CHMP7: variants seen among roughly 807,000 people sequenced by gnomAD.
The protein encoded by CHMP7 is CHMP family, member 7.
CHMP7 carries 15 observed loss-of-function variants against 53.7 expected under a neutral mutation model. The ratio of observed to expected loss-of-function variants is 0.28; its 90% CI spans 0.19 to 0.43. The LOEUF (loss-of-function observed/expected upper bound fraction) is 0.43, where lower values mean the gene tolerates loss of function less well. Among genes scored for constraint, CHMP7 ranks in the 20% least tolerant of loss-of-function variants. The probability of loss-of-function intolerance (pLI) is 1.00; values close to 1 mark genes in which losing one functional copy is unlikely to be tolerated. For missense variants in CHMP7, 527 were observed against 569.4 expected, an observed-to-expected ratio of 0.93 and a Z score of 0.76; for synonymous variants, 261 against 228.0, an observed-to-expected ratio of 1.14 and a Z score of -1.30.
chr8:23,254,132 C>G (rs145485162), intron 3 of CHMP7, among the ~76,000 whole-genome samples: 1 of 152,122 alleles, frequency 6.6e-6, no homozygotes, highest in East Asian at 1.9e-4. Flanking sequence ...TCCCGAGATA[C>G]CCGTTTCACC....
intron 2 of CHMP7, chr8:23,248,102 T>C (rs1801782135): frequency 2.2e-6 from 1 of 456,072 alleles, no homozygotes; most frequent in Non-Finnish European, 4.4e-6. Context: ...GTTGAGCCAC[T>C]GCACCTGGCC....
chr8:23,260,225 A>G lies in CHMP7; in HGVS notation c.1202A>G (p.Asn401Ser), dbSNP rs182964552. 1 of 1,613,964 alleles carries G rather than the reference A, an allele frequency of 6.2e-7. No individual in the cohort carries two copies. Among genetic ancestry groups the G allele is most frequent in the East Asian group, 2.2e-5 (1 of 44,868 alleles). Residue 401 changes from asparagine (N) to serine (S), a missense_variant, in exon 10 of 11, where the codon AAC (asparagine) becomes AGC (serine). Asn to Ser is a conservative substitution (Grantham distance 46, BLOSUM62 1). Coordinates refer to ENST00000397677, the MANE Select transcript of CHMP7 (RefSeq NM_152272.5). ...AAAGAACCTTTGGATCTGCCTGACAACCCCCGCAATAGGCATTTTACCAAC... is the reference window on the plus strand; with the variant it reads ...AAAGAACCTTTGGATCTGCCTGACAGCCCCCGCAATAGGCATTTTACCAAC... ...TTKEPLDLPD[N>S]PRNRHFTNSV... is the part of the protein sequence containing the mutation.
intron 3 of CHMP7, among the ~76,000 whole-genome samples, chr8:23,254,463 C>T (rs530478847): frequency 4.0e-4 from 61 of 152,126 alleles, no homozygotes; most frequent in African/African-American, 1.2e-3. Context: ...GGCGCGATCT[C>T]GGCTCACTGC....
Position 23,260,644 on chromosome 8 carries a change from G to A in CHMP7, c.*45G>A. The A allele has an allele frequency of 7.2e-7, 1 of 1,391,940 alleles. No individual in the cohort carries two copies. The highest frequency in any genetic ancestry group is 2.3e-5 in the East Asian group (1 of 44,148). The allele number at this position is 1,391,940 out of a possible 1,614,324, so 86.2% of individuals were successfully genotyped here. A position where few individuals can be genotyped will look rare whatever the true frequency, so the allele number is the denominator to read the frequency against. ...CTCATGTAAAAGAGAGACCAGGCTT[G>A]CTGGGTGTGTACATAGTTATTTAAA... On this transcript the variant is annotated 3_prime_UTR_variant, in exon 11 of 11. Transcript: ENST00000397677.
rs1266838724 is a variant in CHMP7, at chr8:23,246,758, C to A, written c.63C>A (p.Pro21=). 6.4e-6 allele frequency: 10 copies of A among 1,556,954 alleles called. No homozygotes were observed. Among genetic ancestry groups the A allele is most frequent in the Middle Eastern group, 1.8e-4 (1 of 5,500 alleles). ...GGGGAGACCCGGCGGGCCTTCTGCC[C>A]CCCGAGTGGGAGGAGGACGAGGAGC... ...PAGGDPAGLL[P]PEWEEDEERM... Residue 21 remains proline (P), a synonymous_variant, in exon 2 of 11, where the codon CCC becomes CCA. Coordinates refer to ENST00000397677, the MANE Select transcript of CHMP7 (RefSeq NM_152272.5).
chr8:23,249,493 G>T (rs1328000037), intron 3 of CHMP7, 112 bp downstream of exon 3: 1 of 789,192 alleles, frequency 1.3e-6, no homozygotes, highest in Non-Finnish European at 2.0e-6. Flanking sequence ...CATGGCTACT[G>T]AGTTGATAAC....
intron 1 of CHMP7, among the ~76,000 whole-genome samples, chr8:23,244,853 A>T (rs148669399): frequency 6.6e-6 from 1 of 152,212 alleles, no homozygotes; most frequent in Non-Finnish European, 1.5e-5. Context: ...GAATTTGTAC[A>T]TACCGTGTTA....
intron 3 of CHMP7, among the ~76,000 whole-genome samples, chr8:23,250,081 C>T (rs938970578): frequency 2.6e-5 from 4 of 152,204 alleles, no homozygotes; most frequent in Admixed American, 6.5e-5. Context: ...CATCAGACTG[C>T]GGTCCCCTTC....
chr8:23,258,015 C>T lies in CHMP7; in HGVS notation c.792-18C>T. 2 of 1,599,110 alleles carry T rather than the reference C, an allele frequency of 1.3e-6. No individual in the cohort carries two copies. Among genetic ancestry groups the T allele is most frequent in the Non-Finnish European group, 8.6e-7 (1 of 1,167,614 alleles). ...CCATCCTGTGGCACAGTAATCTTATCTGTCCCTTTGTTTCCAGGTGTAAAG... is the reference window on the plus strand; with the variant it reads ...CCATCCTGTGGCACAGTAATCTTATTTGTCCCTTTGTTTCCAGGTGTAAAG... On this transcript the variant is annotated intron_variant, in intron 5 of 10. Coordinates refer to ENST00000397677, the MANE Select transcript of CHMP7 (RefSeq NM_152272.5).
rs1354733964 is a variant in CHMP7, at chr8:23,261,791, C to G, written c.*1192C>G. The G allele has an allele frequency of 1.3e-5, 2 of 152,714 alleles. No homozygotes were observed. The highest frequency in any genetic ancestry group is 3.9e-4 in the East Asian group (2 of 5,186). The allele number at this position is 152,714 out of a possible 1,614,324, so 9.5% of individuals were successfully genotyped here. On this transcript the variant is annotated 3_prime_UTR_variant, in exon 11 of 11. Transcript: ENST00000397677. Reference sequence around the variant, plus strand: ...CTCTGCTGCCCAGCCACCAGGATTTCTGCCTGGAGCCCTTTGCCCTGTCCC... The same window carrying G: ...CTCTGCTGCCCAGCCACCAGGATTTGTGCCTGGAGCCCTTTGCCCTGTCCC...
In CHMP7 at chr8:23,260,859, G is replaced by T; in HGVS notation, c.*260G>T. On this transcript the variant is annotated 3_prime_UTR_variant, in exon 11 of 11. Coordinates refer to ENST00000397677, the MANE Select transcript of CHMP7 (RefSeq NM_152272.5). ...ATTTATACAGTCCTGTGTCTGACCT[G>T]TCATTTCATAGCCTGCAGTTCTTGC... 1 of 494,912 alleles carries T rather than the reference G, an allele frequency of 2.0e-6. No individual in the cohort carries two copies. The highest frequency in any genetic ancestry group is 1.9e-5 in the African/African-American group (1 of 51,702). 30.7% of individuals were successfully genotyped at this position (494,912 alleles called of 1,614,324 possible).
In CHMP7 at chr8:23,250,619, CCTGT is replaced by C. The variant is rs1182213905; in HGVS notation, c.471+1239_471+1242del. Among the ~76,000 whole-genome samples the C allele has an allele frequency of 3.6e-5, 4 of 111,788 alleles. 1 individual carries two copies. Among genetic ancestry groups the C allele is most frequent in the Admixed American group, 2.1e-4 (2 of 9,416 alleles). The allele number at this position is 111,788 out of a possible 152,430, so 73.3% of individuals were successfully genotyped here. ...ACTGCTGTGGATGAGGTGATAGGGG[CCTGT>C]GTGTGTGTGTGTGTGTGTGTGTGTG... is the stretch of plus-strand genomic sequence containing the variant. On this transcript the variant is annotated intron_variant, in intron 3 of 10. Coordinates refer to ENST00000397677, the MANE Select transcript of CHMP7 (RefSeq NM_152272.5).
chr8:23,253,803 A>G (rs540633002), intron 3 of CHMP7, among the ~76,000 whole-genome samples: 3 of 152,028 alleles, frequency 2.0e-5, no homozygotes, highest in Admixed American at 1.3e-4. Context: ...TCCTCTTTCT[A>G]TGTTTATTAT....
Position 23,249,327 on chromosome 8 carries a change from G to A in CHMP7, c.417G>A (p.Leu139=). 1 of 1,612,802 alleles carries A rather than the reference G, an allele frequency of 6.2e-7. No individual in the cohort carries two copies. Among genetic ancestry groups the A allele is most frequent in the Non-Finnish European group, 8.5e-7 (1 of 1,179,466 alleles). Residue 139 remains leucine (L), a synonymous_variant, in exon 3 of 11, where the codon CTG becomes CTA. Coordinates refer to ENST00000397677, the MANE Select transcript of CHMP7 (RefSeq NM_152272.5). ...KPLKWTLSNM[L]GDNKVPAEEV... ...TCAAGTGGACTCTTTCTAACATGCTGGGAGATAATAAGGTTCCAGCTGAGG... is the reference window on the plus strand; with the variant it reads ...TCAAGTGGACTCTTTCTAACATGCTAGGAGATAATAAGGTTCCAGCTGAGG...
Position 23,246,945 on chromosome 8 carries a change from A to T in CHMP7, c.250A>T (p.Lys84Ter). The T allele has an allele frequency of 6.4e-7, 1 of 1,554,310 alleles. No individual in the cohort carries two copies. The highest frequency in any genetic ancestry group is 8.7e-7 in the Non-Finnish European group (1 of 1,151,912). Reference protein sequence around the residue: ...LRDLQEAFQRKGSVPLGLATV... With the variant: ...LRDLQEAFQR ...GGACTTGCAGGAGGCCTTTCAGCGCAAGGGGAGCGTCCCGCTGGGGCTGGC... is the reference window on the plus strand; with the variant it reads ...GGACTTGCAGGAGGCCTTTCAGCGCTAGGGGAGCGTCCCGCTGGGGCTGGC... The change falls in exon 2 of 11, where the codon AAG (lysine) becomes TAG (stop). Residue 84 changes from lysine (K) to a stop codon, truncating the protein, a stop_gained. Coordinates refer to ENST00000397677, the MANE Select transcript of CHMP7 (RefSeq NM_152272.5). LOFTEE classifies it high-confidence loss of function.
chr8:23,253,512 C>G (rs920352902), intron 3 of CHMP7, among the ~76,000 whole-genome samples: 3 of 152,176 alleles, frequency 2.0e-5, no homozygotes, highest in East Asian at 1.9e-4. Context: ...GTCTCAAACT[C>G]CTGATCTCAG....
chr8:23,260,889 G>A lies in CHMP7; in HGVS notation c.*290G>A. On this transcript the variant is annotated 3_prime_UTR_variant, in exon 11 of 11. Coordinates refer to ENST00000397677, the MANE Select transcript of CHMP7 (RefSeq NM_152272.5). ...TTCATAGCCTGCAGTTCTTGCCATT[G>A]GCACACTTAGATTTGTCTTCACCCA... The A allele has an allele frequency of 2.3e-6, 1 of 441,206 alleles. No individual in the cohort carries two copies. The highest frequency in any genetic ancestry group is 4.0e-6 in the Non-Finnish European group (1 of 247,132). 27.3% of individuals were successfully genotyped at this position (441,206 alleles called of 1,614,324 possible). A position where few individuals can be genotyped will look rare whatever the true frequency, so the allele number is the denominator to read the frequency against.
intron 5 of CHMP7, among the ~76,000 whole-genome samples, chr8:23,257,534 A>G (rs1473875088): frequency 1.3e-5 from 2 of 152,248 alleles, no homozygotes; most frequent in South Asian, 4.1e-4. Flanking sequence ...GCCGTGGACA[A>G]GACAGGTCCC....
intron 7 of CHMP7, 101 bp from the exon 8 acceptor site, chr8:23,258,631 C>CAA: frequency 8.3e-7 from 1 of 1,200,122 alleles, no homozygotes. Context: ...GCTTGGGTGC[C>CAA]AAAAAAAACA....
Sources: gnomAD v4.1 joint callset for allele counts (sites outside exome capture counted in the v4.1 genomes callset) on GRCh38, gnomAD v4.1.1 for gene constraint, MANE v1.5 for transcripts, NCBI Gene and HGNC (gene_info 2026-07-23, HGNC 2026-07-21) for gene names.